TTN: variants seen among roughly 807,000 people sequenced by gnomAD.
TTN encodes connectin.
A neutral mutation model predicts 3,223.0 loss-of-function variants in TTN; 1,525 were observed. The ratio of observed to expected loss-of-function variants is 0.47; its 90% CI spans 0.45 to 0.49. The LOEUF (loss-of-function observed/expected upper bound fraction) is 0.49, where lower values mean the gene tolerates loss of function less well. Among genes scored for constraint, TTN ranks in the 20% least tolerant of loss-of-function variants. TTN has a pLI of 0.00. For synonymous variants in TTN, 14,094 were observed against 15,161.0 expected (o/e 0.93, Z 5.17); for missense variants, 40,786 against 43,424.0 (o/e 0.94, Z 5.40).
chr2:178,558,024 A>G lies in TTN; in HGVS notation c.87330T>C (p.Ala29110=). 3 of 1,613,954 alleles carry G rather than the reference A, an allele frequency of 1.9e-6. No individual in the cohort carries two copies. Among genetic ancestry groups the G allele is most frequent in the Non-Finnish European group, 2.5e-6 (3 of 1,179,860 alleles). Residue 29110 remains alanine (A), a synonymous_variant, in exon 328 of 363, where the codon GCT becomes GCC. Transcript: ENST00000589042. ...LTINLKESVT[A]DAGRYEITAA... is the part of the protein sequence containing the mutation. ...CAGTGATTTCATATCTCCCAGCGTC[A>G]GCTGTAACACTTTCTTTGAGATTGA...
At position 178,637,438 on chromosome 2, in the gene TTN, T is replaced by A; in HGVS notation, c.40877-19A>T. ...TTGGCTTCTGAAATAAAAATAAAAC[T>A]CAGCATTTAAACACTTTTCGGACTT... is the stretch of plus-strand genomic sequence containing the variant. On this transcript the variant is annotated intron_variant, in intron 223 of 362. Transcript: ENST00000589042. The A allele has an allele frequency of 6.8e-7, 1 of 1,461,920 alleles. No homozygotes were observed. The highest frequency in any genetic ancestry group is 9.0e-7 in the Non-Finnish European group (1 of 1,106,406). 90.6% of individuals were successfully genotyped at this position (1,461,920 alleles called of 1,614,324 possible). A position where few individuals can be genotyped will look rare whatever the true frequency, so the allele number is the denominator to read the frequency against.
chr2:178,578,284 C>A, intron 321 of TTN, 99 bp from the exon 322 acceptor site: 1 of 1,096,692 alleles, frequency 9.1e-7, no homozygotes. Context: ...ATATATTGAA[C>A]AAGTAGTCAT....
At chr2:178,609,607 G>A in intron 272 of TTN, 37 bp from the exon 273 acceptor site, 1 of 1,556,176 alleles carries the variant, frequency 6.4e-7, no homozygotes, top group Non-Finnish European at 8.7e-7. Flanking sequence ...TTTCAATTCT[G>A]ATGAAAATAA....
chr2:178,543,789 A>G, intron 346 of TTN, 45 bp downstream of exon 346: 4 of 1,599,354 alleles, frequency 2.5e-6, no homozygotes, highest in Non-Finnish European at 3.4e-6. Context: ...ATATTGTTTT[A>G]GAGGATCTAC....
At chr2:178,665,553 A>T (rs1384952127) in intron 164 of TTN, 93 bp from the exon 165 acceptor site, 2 of 1,422,978 alleles carry the variant, frequency 1.4e-6, no homozygotes, top group African/African-American at 2.8e-5. Flanking sequence ...TATGGCTAAA[A>T]AGATGATTCC....
In TTN at chr2:178,604,749, A is replaced by G. The variant is rs552112862; in HGVS notation, c.54340T>C (p.Trp18114Arg). 6.2e-7 allele frequency: 1 copy of G among 1,611,962 alleles called. No individual in the cohort carries two copies. Among genetic ancestry groups the G allele is most frequent in the Non-Finnish European group, 8.5e-7 (1 of 1,178,786 alleles). Reference sequence around the variant, plus strand: ...ACAGCAGTGTTGGTGACTTCCTCCCATTCTGCTTTCTTCCTACTTGCATCA... The same window carrying G: ...ACAGCAGTGTTGGTGACTTCCTCCCGTTCTGCTTTCTTCCTACTTGCATCA... The part of the protein sequence containing the change: ...KRDASRKKAE[W>R]EEVTNTAVEK... The change falls in exon 281 of 363, where the codon TGG becomes CGG. Residue 18114 changes from tryptophan to arginine, a missense_variant. Trp to Arg is a moderately radical substitution (Grantham distance 101). Coordinates refer to ENST00000589042, the MANE Select transcript of TTN (RefSeq NM_001267550.2).
In TTN at chr2:178,684,052, T is replaced by C; in HGVS notation, c.32753A>G (p.Glu10918Gly). Residue 10918 changes from glutamate (E) to glycine (G), a missense_variant, in exon 133 of 363, where the codon GAA becomes GGA. Transcript: ENST00000589042. ...VPEEPKRAVP[E>G]EKVLKLKPKR... ...AGGTTTGAGTTTCAGAACTTTTTCT[T>C]CTGGGACAGCTCTCTTCGGTTCCTC... 6.2e-7 allele frequency: 1 copy of C among 1,612,594 alleles called. No individual in the cohort carries two copies. The highest frequency in any genetic ancestry group is 8.5e-7 in the Non-Finnish European group (1 of 1,179,132).
chr2:178,711,041 A>C, intron 97 of TTN, 21 bp downstream of exon 97: 4 of 1,553,678 alleles, frequency 2.6e-6, no homozygotes, highest in Non-Finnish European at 3.5e-6. Flanking sequence ...TCTAGAAATG[A>C]AAGTTTAAGA....
chr2:178,777,847 G>A lies in TTN; in HGVS notation c.4337C>T (p.Thr1446Ile). ...TAGTCTCTCAAGTTGTGACTCATCTGTCTCCTCCAGCCTACGTCCAGGGGA... is the reference window on the plus strand; with the variant it reads ...TAGTCTCTCAAGTTGTGACTCATCTATCTCCTCCAGCCTACGTCCAGGGGA... ...RMSPGRRLEE[T>I]DESQLERLYK... The change falls in exon 25 of 363, where the codon ACA (threonine) becomes ATA (isoleucine). Residue 1446 changes from threonine to isoleucine, a missense_variant. By Grantham distance (89) the Thr-to-Ile change is moderately conservative (BLOSUM62 -1). Coordinates refer to ENST00000589042, the MANE Select transcript of TTN (RefSeq NM_001267550.2). 1 of 1,614,028 alleles carries A rather than the reference G, an allele frequency of 6.2e-7. No individual in the cohort carries two copies. Among genetic ancestry groups the A allele is most frequent in the Non-Finnish European group, 8.5e-7 (1 of 1,179,936 alleles).
rs745631866 is a variant in TTN at position 178,594,098 on chromosome 2, C to T, written c.58295G>A (p.Arg19432His). Residue 19432 changes from arginine (R) to histidine (H), a missense_variant, in exon 297 of 363, where the codon CGC becomes CAC. Transcript: ENST00000589042. ...TGCTGGTGTAGTCTTTATATGAGTG[C>T]GATCATCTTCCAGCACATCAGCTTC... ...KDEADVLEDD[R>H]THIKTTPATL... 1.5e-5 allele frequency: 24 copies of T among 1,613,214 alleles called. No homozygotes were observed. The highest frequency in any genetic ancestry group is 1.1e-4 in the East Asian group (5 of 44,734).
Position 178,549,401 on chromosome 2 carries a change from C to T in TTN, c.92225G>A (p.Arg30742Lys), listed in dbSNP as rs1698436310. The T allele has an allele frequency of 1.2e-6, 2 of 1,613,776 alleles. No homozygotes were observed. Among genetic ancestry groups the T allele is most frequent in the Admixed American group, 3.3e-5 (2 of 60,004 alleles). Reference protein sequence around the residue: ...TGNSITLTWARPESDGGSEIQ... With the variant: ...TGNSITLTWAKPESDGGSEIQ... Reference sequence around the variant, plus strand: ...TTCACTGCCACCATCTGATTCTGGCCTTGCCCATGTCAGGGTAATGCTGTT... The same window carrying T: ...TTCACTGCCACCATCTGATTCTGGCTTTGCCCATGTCAGGGTAATGCTGTT... The change falls in exon 339 of 363, where the codon AGG becomes AAG. Residue 30742 changes from arginine (R) to lysine (K), a missense_variant. By Grantham distance (26) the Arg-to-Lys change is conservative. Transcript: ENST00000589042.
intron 10 of TTN, among the ~76,000 whole-genome samples, chr2:178,791,754 C>T (rs1043982337): frequency 6.6e-6 from 1 of 151,246 alleles, no homozygotes; most frequent in South Asian, 2.1e-4. Context: ...AGGCTATGCA[C>T]GAAGAAACCA....
chr2:178,698,967 C>T, intron 111 of TTN, 53 bp from the exon 112 acceptor site: 2 of 1,414,080 alleles, frequency 1.4e-6, no homozygotes, highest in South Asian at 2.8e-5. Context: ...GTGTAAGTAA[C>T]TAAAATGCTT....
intron 22 of TTN, chr2:178,779,703 A>G (rs1161330506): frequency 1.9e-6 from 1 of 534,520 alleles, no homozygotes; most frequent in Non-Finnish European, 3.3e-6. Context: ...ACATTAGCTT[A>G]TCACACAGAT....
Position 178,782,818 on chromosome 2 carries a change from G to A in TTN, c.3088C>T (p.Leu1030=), listed in dbSNP as rs773367580. Residue 1030 remains leucine (L), a synonymous_variant, in exon 18 of 363, where the codon CTG becomes TTG. Coordinates refer to ENST00000589042, the MANE Select transcript of TTN (RefSeq NM_001267550.2). ...GGTGGCCACTAACCCTGCACAGCCA[G>A]ATAGCAGGATGTGCTGACGGTTCCA... ...EAGTVSTSCY[L]AVQVSEEFEK... 2.5e-6 allele frequency: 4 copies of A among 1,613,050 alleles called. No individual in the cohort carries two copies. The East Asian group carries it at 8.9e-5, about 36-fold the overall frequency.
At chr2:178,613,454 T>C in intron 263 of TTN, 178 bp from the exon 264 acceptor site, 1 of 642,998 alleles carries the variant, frequency 1.6e-6, no homozygotes. Flanking sequence ...CACTTTAGAC[T>C]GGGCCAAACA....
Position 178,533,171 on chromosome 2 carries a change from T to G in TTN, c.103444A>C (p.Arg34482=), listed in dbSNP as rs1380119708. ...GTTCCAGAAAGAATTTCAGCCATTC[T>G]GAGGGTTTTGTCAATTTGTTTTTGT... ...HVQKQIDKTL[R]MAEILSGTES... The change falls in exon 358 of 363, where the codon AGA becomes CGA. Residue 34482 remains arginine, a synonymous_variant. Transcript: ENST00000589042. The G allele has an allele frequency of 1.2e-6, 2 of 1,614,008 alleles. No homozygotes were observed. The highest frequency in any genetic ancestry group is 3.3e-5 in the Admixed American group (2 of 60,026).
intron 2 of TTN, among the ~76,000 whole-genome samples, chr2:178,803,029 C>T (rs997054270): frequency 5.3e-5 from 8 of 152,170 alleles, no homozygotes; most frequent in Non-Finnish European, 7.3e-5. Context: ...AACTACATGT[C>T]CATGGTTTGA....
chr2:178,616,726 T>G lies in TTN; in HGVS notation c.48160+3A>C. The G allele has an allele frequency of 6.2e-7, 1 of 1,612,426 alleles. No homozygotes were observed. The highest frequency in any genetic ancestry group is 1.1e-5 in the South Asian group (1 of 91,010). ...CTTAGATGATAAATGTTTTGTTCCT[T>G]ACCAATTACATTGACATCAATTTCC... On this transcript the variant is annotated splice_donor_region_variant and intron_variant, in intron 256 of 362. Transcript: ENST00000589042.
Sources: gnomAD v4.1 joint callset for allele counts (sites outside exome capture counted in the v4.1 genomes callset) on GRCh38, gnomAD v4.1.1 for gene constraint, MANE v1.5 for transcripts, NCBI Gene and HGNC (gene_info 2026-07-23, HGNC 2026-07-21) for gene names.